OSBPL3: variants seen among roughly 807,000 people sequenced by gnomAD.
OSBPL3 encodes oxysterol-binding protein-related protein 3.
A neutral mutation model predicts 120.1 loss-of-function variants in OSBPL3; 65 were observed. The ratio of observed to expected loss-of-function variants is 0.54; its 90% confidence interval spans 0.44 to 0.67. OSBPL3 has a LOEUF of 0.67. OSBPL3 is among the 30% of genes least tolerant of loss of function. The probability of loss-of-function intolerance (pLI) is 0.00; values close to 1 mark genes in which losing one functional copy is unlikely to be tolerated. For synonymous variants in OSBPL3, 416 were observed against 402.6 expected, an observed-to-expected ratio of 1.03 and a Z score of -0.40; for missense variants, 1,004 against 1,082.1, an observed-to-expected ratio of 0.93 and a Z score of 1.01.
upstream of OSBPL3, among the ~76,000 whole-genome samples, chr7:24,980,834 G>T (rs746351600): frequency 1.3e-4 from 20 of 152,130 alleles, no homozygotes; most frequent in Middle Eastern, 3.2e-3. Context: ...GGGGGTAGGA[G>T]GTGGGGAGAG....
At position 24,863,108 on chromosome 7, in the gene OSBPL3, A is replaced by G; in HGVS notation, c.870+92T>C. On this transcript the variant is annotated intron_variant, in intron 9 of 22. Coordinates refer to ENST00000313367, the MANE Select transcript of OSBPL3 (RefSeq NM_015550.4). This position sits in a 1 kb window ranked among gnomAD's most constrained non-coding sequence, Gnocchi z 5.8. Reference sequence around the variant, plus strand: ...ACAACTACAGAATATTCACTCATCTATTCTCCTAGCTGAGTCAAGGTAGCT... The same window carrying G: ...ACAACTACAGAATATTCACTCATCTGTTCTCCTAGCTGAGTCAAGGTAGCT... The G allele has an allele frequency of 1.2e-6, 1 of 849,518 alleles. No individual in the cohort carries two copies. The highest frequency in any genetic ancestry group is 1.4e-5 in the South Asian group (1 of 72,706). 52.6% of individuals were successfully genotyped at this position (849,518 alleles called of 1,614,324 possible). A position where few individuals can be genotyped will look rare whatever the true frequency, so the allele number is the denominator to read the frequency against.
At chr7:24,874,562 G>T (rs1802596960) in intron 2 of OSBPL3, among the ~76,000 whole-genome samples, 1 of 152,084 alleles carries the variant, frequency 6.6e-6, no homozygotes, top group Admixed American at 6.5e-5. Flanking sequence ...GAACTGGACT[G>T]TTCCTCCTCC....
intron 1 of OSBPL3, among the ~76,000 whole-genome samples, chr7:24,914,258 G>T (rs903767700): frequency 9.9e-5 from 15 of 151,758 alleles, no homozygotes; most frequent in African/African-American, 3.6e-4. Context: ...ACCAGAGCCA[G>T]CCATTGGACA....
chr7:24,870,789 T>C lies in OSBPL3; in HGVS notation c.324A>G (p.Val108=), dbSNP rs41275970. 6.4e-3 allele frequency: 10,353 copies of C among 1,613,854 alleles called. 52 individuals carry two copies. The highest frequency in any genetic ancestry group is 7.7e-3 in the Non-Finnish European group (9,037 of 1,179,726). ...CIDVGLSVMS[V]KKSSKCIDLD... is the part of the protein sequence containing the mutation. ...GGTCTATGCATTTTGATGACTTCTT[T>C]ACAGACATCACTGAGAGCCCGACAT... The change falls in exon 5 of 23, where the codon GTA becomes GTG. Residue 108 remains valine (V), a synonymous_variant. Transcript: ENST00000313367.
At chr7:24,859,822 A>G (rs1415405537) in intron 10 of OSBPL3, among the ~76,000 whole-genome samples, 2 of 152,244 alleles carry the variant, frequency 1.3e-5, no homozygotes, top group Non-Finnish European at 2.9e-5. Flanking sequence ...GATGTTAAGT[A>G]GCTCTCATTA....
chr7:24,975,800 AC>A (rs1306692975), intron 1 of OSBPL3, among the ~76,000 whole-genome samples: 1 of 152,254 alleles, frequency 6.6e-6, no homozygotes, highest in Non-Finnish European at 1.5e-5. Context: ...TTTTAAAAAA[AC>A]AAATGATCTG....
Position 24,800,095 on chromosome 7 carries a change from T to C in OSBPL3, c.*88A>G. On this transcript the variant is annotated 3_prime_UTR_variant, in exon 23 of 23. Coordinates refer to ENST00000313367, the MANE Select transcript of OSBPL3 (RefSeq NM_015550.4). ...AAGCACAAGTGATCATCCTAGAGTA[T>C]CTTTTAAATATATAAACACAGGTTT... The C allele has an allele frequency of 1.4e-6, 1 of 717,730 alleles. No individual in the cohort carries two copies. The highest frequency in any genetic ancestry group is 2.5e-6 in the Non-Finnish European group (1 of 398,790). 44.5% of individuals were successfully genotyped at this position (717,730 alleles called of 1,614,324 possible).
Position 24,835,550 on chromosome 7 carries a change from A to G in OSBPL3, c.1496-814T>C, listed in dbSNP as rs1796893343. ...AACAGAACTGCCACTCAACTCAGCAATCCCATTACTGACTATATACCCAAA... is the reference window on the plus strand; with the variant it reads ...AACAGAACTGCCACTCAACTCAGCAGTCCCATTACTGACTATATACCCAAA... On this transcript the variant is annotated intron_variant, in intron 14 of 22. Transcript: ENST00000313367. This position sits in a 1 kb window ranked among gnomAD's most constrained non-coding sequence, Gnocchi z 4.8. Among the ~76,000 whole-genome samples the G allele has an allele frequency of 6.6e-6, 1 of 152,182 alleles. No individual in the cohort carries two copies. Among genetic ancestry groups the G allele is most frequent in the South Asian group, 2.1e-4 (1 of 4,826 alleles).
intron 1 of OSBPL3, among the ~76,000 whole-genome samples, chr7:24,956,716 A>C (rs916822679): frequency 6.6e-6 from 1 of 152,170 alleles, no homozygotes; most frequent in Non-Finnish European, 1.5e-5. Flanking sequence ...TCTGTCTTTT[A>C]GATACTTGTG....
intron 12 of OSBPL3, among the ~76,000 whole-genome samples, chr7:24,846,300 C>T (rs1049915467): frequency 1.9e-4 from 29 of 152,190 alleles, no homozygotes; most frequent in African/African-American, 6.8e-4. Flanking sequence ...GAATTTAAAT[C>T]TCAGCTCTGT....
In OSBPL3 at chr7:24,873,802, C is replaced by T. The variant is rs1189247204; in HGVS notation, c.97-1733G>A. The stretch of plus-strand genomic sequence containing the variant: ...GAAAGCCATTCCACAAAATTTAACA[C>T]ATTTTACCCATCTAAATGTTAATGA... On this transcript the variant is annotated intron_variant, in intron 2 of 22. Transcript: ENST00000313367. This position sits in a 1 kb window ranked among gnomAD's most constrained non-coding sequence, Gnocchi z 4.1. Among the ~76,000 whole-genome samples, 1 of 152,040 alleles carries T rather than the reference C, an allele frequency of 6.6e-6. No homozygotes were observed. Among genetic ancestry groups the T allele is most frequent in the Non-Finnish European group, 1.5e-5 (1 of 68,010 alleles).
chr7:24,897,075 G>A (rs113775120), intron 1 of OSBPL3, among the ~76,000 whole-genome samples: 102 of 151,576 alleles, frequency 6.7e-4, no homozygotes, highest in African/African-American at 2.4e-3. Context: ...GAGGGAGGGA[G>A]GGAAGAGAGG....
rs1793536846 is a variant in OSBPL3, at chr7:24,809,811, T to C, written c.2313A>G (p.Arg771=). ...GGGSSSACVW[R]ANPMPKGYEQ... ...TCCACAAACCCAGACACTCACTTGC[T>C]CTCCATACACAGGCAGAAGAGGAGC... is the stretch of plus-strand genomic sequence containing the variant. Residue 771 remains arginine (R), a synonymous_variant, in exon 20 of 23, where the codon AGA becomes AGG. Coordinates refer to ENST00000313367, the MANE Select transcript of OSBPL3 (RefSeq NM_015550.4). 1 of 1,613,854 alleles carries C rather than the reference T, an allele frequency of 6.2e-7. No homozygotes were observed. The highest frequency in any genetic ancestry group is 1.3e-5 in the African/African-American group (1 of 74,850).
chr7:24,905,235 G>A (rs1245549701), intron 1 of OSBPL3, among the ~76,000 whole-genome samples: 2 of 151,964 alleles, frequency 1.3e-5, no homozygotes, highest in African/African-American at 4.8e-5. Flanking sequence ...TTTCTTCAAG[G>A]AGACGTACTA....
In OSBPL3 at chr7:24,872,190, GAGA is replaced by G. The variant is rs1257206848; in HGVS notation, c.97-124_97-122del. On this transcript the variant is annotated intron_variant, in intron 2 of 22. Transcript: ENST00000313367. This position sits in a 1 kb window ranked among gnomAD's most constrained non-coding sequence, Gnocchi z 4.1. Reference sequence around the variant, plus strand: ...GGGGAGGCTGGCTGGGTTTGTTGGGGAGAAGAAATCCAAATTTAATTTCCATAC... The same window carrying G: ...GGGGAGGCTGGCTGGGTTTGTTGGGGAGAAATCCAAATTTAATTTCCATAC... 4 of 698,976 alleles carry G rather than the reference GAGA, an allele frequency of 5.7e-6. No homozygotes were observed. The highest frequency in any genetic ancestry group is 3.2e-4 in the Middle Eastern group (1 of 3,128). 43.3% of individuals were successfully genotyped at this position (698,976 alleles called of 1,614,324 possible).
rs1422639901 is a variant in OSBPL3 at position 24,892,430 on chromosome 7, C to T, written c.43G>A (p.Val15Ile). 4 of 1,613,632 alleles carry T rather than the reference C, an allele frequency of 2.5e-6. No individual in the cohort carries two copies. In the African/African-American group the frequency reaches 4.0e-5, roughly 16 times the overall value. Reference protein sequence around the residue: ...EKNLGVSQKLVSPSRSTSSCS... With the variant: ...EKNLGVSQKLISPSRSTSSCS... ...CTACTTGTGCTCCTTGAAGGTGATACCAATTTTTGGGACACACCAAGGTTC... is the reference window on the plus strand; with the variant it reads ...CTACTTGTGCTCCTTGAAGGTGATATCAATTTTTGGGACACACCAAGGTTC... The change falls in exon 2 of 23, where the codon GTA (valine) becomes ATA (isoleucine). Residue 15 changes from valine (V) to isoleucine (I), a missense_variant. By Grantham distance (29) the Val-to-Ile change is conservative (BLOSUM62 3). Around this residue, in one of 4 missense-constraint regions of OSBPL3, gnomAD observed 255 missense variants for 248.7 expected, o/e 1.03. Coordinates refer to ENST00000313367, the MANE Select transcript of OSBPL3 (RefSeq NM_015550.4).
chr7:24,892,511 C>T lies in OSBPL3; in HGVS notation c.-39G>A. On this transcript the variant is annotated 5_prime_UTR_variant, in exon 2 of 23. The change abolishes an upstream ATG in the 5' untranslated region. Coordinates refer to ENST00000313367, the MANE Select transcript of OSBPL3 (RefSeq NM_015550.4). ...CTTGGCCTCGAGACAATCAAAATGCCATCAGATGACAAGGGAGCCGAGAGT... is the reference window on the plus strand; with the variant it reads ...CTTGGCCTCGAGACAATCAAAATGCTATCAGATGACAAGGGAGCCGAGAGT... 6.2e-7 allele frequency: 1 copy of T among 1,600,278 alleles called. No individual in the cohort carries two copies. The highest frequency in any genetic ancestry group is 1.1e-5 in the South Asian group (1 of 89,832).
intron 1 of OSBPL3, among the ~76,000 whole-genome samples, chr7:24,920,177 T>C (rs968724391): frequency 5.3e-5 from 8 of 152,180 alleles, no homozygotes; most frequent in Non-Finnish European, 1.2e-4. Flanking sequence ...TATGTCTACA[T>C]GAAATCTTAT....
intron 16 of OSBPL3, among the ~76,000 whole-genome samples, chr7:24,828,606 GA>G (rs1190652256): frequency 8.6e-4 from 28 of 32,546 alleles, no homozygotes; most frequent in Middle Eastern, 0.017. Context: ...GACTCTGTCT[GA>G]AAAAAAAAAA....
Sources: allele counts gnomAD v4.1 joint callset (sites outside exome capture counted in the v4.1 genomes callset), GRCh38; gene constraint gnomAD v4.1.1; regional missense constraint gnomAD v4.1.1; non-coding constraint Gnocchi (gnomAD v3.1); transcripts MANE v1.5; gene names NCBI Gene and HGNC (gene_info 2026-07-23, HGNC 2026-07-21).